Variants in ABLIM3 observed in about 807,000 individuals in gnomAD.
ABLIM3 encodes the protein actin-binding LIM protein 3.
In ABLIM3, 61 loss-of-function variants were observed where a neutral mutation model predicts 109.5. That is an observed-to-expected ratio of 0.56 (90% CI 0.45 to 0.69). The LOEUF is 0.69. Ranked by LOEUF, ABLIM3 falls within the 30% of genes least tolerant of loss-of-function variation. The pLI is 0.00. For synonymous variants in ABLIM3, 300 were observed against 324.8 expected, an observed-to-expected ratio of 0.92 and a Z score of 0.82; for missense variants, 796 against 889.5, an observed-to-expected ratio of 0.89 and a Z score of 1.34.
At chr5:149,144,369 A>C (rs1752738177) in intron 2 of ABLIM3, among the ~76,000 whole-genome samples, 1 of 152,182 alleles carries the variant, frequency 6.6e-6, no homozygotes, top group Non-Finnish European at 1.5e-5. Context: ...CAGAGAGTAG[A>C]CATCAGACCT....
At chr5:149,174,061 G>A (rs1018853748) in intron 2 of ABLIM3, among the ~76,000 whole-genome samples, 3 of 150,322 alleles carry the variant, frequency 2.0e-5, no homozygotes, top group African/African-American at 7.3e-5. Flanking sequence ...AGGAACCATG[G>A]TGATCTGCAA....
chr5:149,189,594 C>T (rs1455290316), intron 3 of ABLIM3, among the ~76,000 whole-genome samples: 1 of 152,044 alleles, frequency 6.6e-6, no homozygotes, highest in Non-Finnish European at 1.5e-5. Flanking sequence ...GTCCAATAAG[C>T]ACATGAAAAA....
chr5:149,259,863 T>C lies in ABLIM3; in HGVS notation c.*1459T>C. ...ATGGCAAATGTAGAACTGACTTAAA[T>C]TGAACAAACCCTCACTGAGCACCTC... is the stretch of plus-strand genomic sequence containing the variant. On this transcript the variant is annotated 3_prime_UTR_variant, in exon 24 of 24. Coordinates refer to ENST00000309868, the MANE Select transcript of ABLIM3 (RefSeq NM_014945.5). The C allele has an allele frequency of 2.1e-6, 1 of 482,728 alleles. No homozygotes were observed. The highest frequency in any genetic ancestry group is 3.8e-6 in the Non-Finnish European group (1 of 265,288). 29.9% of individuals were successfully genotyped at this position (482,728 alleles called of 1,614,324 possible). A position where few individuals can be genotyped will look rare whatever the true frequency, so the allele number is the denominator to read the frequency against.
intron 6 of ABLIM3, among the ~76,000 whole-genome samples, chr5:149,208,000 T>C (rs555985587): frequency 3.9e-5 from 6 of 152,356 alleles, no homozygotes; most frequent in African/African-American, 1.4e-4. Flanking sequence ...TAGGTGCCAC[T>C]CTCTGGCCTG....
Position 149,258,654 on chromosome 5 carries a change from C to T in ABLIM3, c.*250C>T, listed in dbSNP as rs967123603. ...CCTTTTATTGGGGATCCTTTTTATA[C>T]TGAAACATCTGTCCTAACTTGAGTG... On this transcript the variant is annotated 3_prime_UTR_variant, in exon 24 of 24. Transcript: ENST00000309868. 1.0e-4 allele frequency: 124 copies of T among 1,206,872 alleles called. No individual in the cohort carries two copies. In the South Asian group the frequency reaches 1.4e-3, roughly 14 times the overall value. 74.8% of individuals were successfully genotyped at this position (1,206,872 alleles called of 1,614,324 possible). A position where few individuals can be genotyped will look rare whatever the true frequency, so the allele number is the denominator to read the frequency against.
chr5:149,260,358 G>C lies in ABLIM3; in HGVS notation c.*1954G>C, dbSNP rs1754797494. The stretch of plus-strand genomic sequence containing the variant: ...AAGTTGCCTTATTGTCACTGGTTAA[G>C]AACTTGGCGAGATTGAAGGGCTTTT... On this transcript the variant is annotated 3_prime_UTR_variant, in exon 24 of 24. Transcript: ENST00000309868. 6.6e-6 allele frequency: 1 copy of C among 152,636 alleles called. No individual in the cohort carries two copies. Among genetic ancestry groups the C allele is most frequent in the South Asian group, 2.1e-4 (1 of 4,834 alleles). 9.5% of individuals were successfully genotyped at this position (152,636 alleles called of 1,614,324 possible). A position where few individuals can be genotyped will look rare whatever the true frequency, so the allele number is the denominator to read the frequency against.
At chr5:149,201,744 C>T (rs1374596453) in intron 5 of ABLIM3, among the ~76,000 whole-genome samples, 1 of 152,086 alleles carries the variant, frequency 6.6e-6, no homozygotes, top group Non-Finnish European at 1.5e-5. Flanking sequence ...GACAGAAAAA[C>T]AAGGAGGCTG....
chr5:149,180,473 C>T (rs182215498), intron 2 of ABLIM3, among the ~76,000 whole-genome samples: 9 of 152,250 alleles, frequency 5.9e-5, no homozygotes, highest in Admixed American at 3.9e-4. Flanking sequence ...AGGGATGTGG[C>T]ATATCCCAGC....
At chr5:149,193,078 C>T (rs1757647245) in intron 3 of ABLIM3, among the ~76,000 whole-genome samples, 1 of 151,866 alleles carries the variant, frequency 6.6e-6, no homozygotes, top group African/African-American at 2.4e-5. Flanking sequence ...GATTTTTATT[C>T]AAACAACTGG....
At chr5:149,178,375 TG>T (rs1756159510) in intron 2 of ABLIM3, among the ~76,000 whole-genome samples, 1 of 152,220 alleles carries the variant, frequency 6.6e-6, no homozygotes, top group African/African-American at 2.4e-5. Flanking sequence ...GGCTGCTGTG[TG>T]CTCATTGCTG....
intron 2 of ABLIM3, among the ~76,000 whole-genome samples, chr5:149,166,301 AATAC>A: frequency 6.6e-6 from 1 of 152,228 alleles, no homozygotes; most frequent in Non-Finnish European, 1.5e-5. Flanking sequence ...TCCCTGACTT[AATAC>A]AGTCATGCAT....
At chr5:149,213,634 G>A (rs148144532) in intron 7 of ABLIM3, among the ~76,000 whole-genome samples, 1 of 152,148 alleles carries the variant, frequency 6.6e-6, no homozygotes. Context: ...CAGGGCCACA[G>A]ATGGAAATTT....
chr5:149,252,103 C>A, intron 21 of ABLIM3, 98 bp from the exon 22 acceptor site: 1 of 1,413,852 alleles, frequency 7.1e-7, no homozygotes. Context: ...CAATAGAGGC[C>A]AGACCCCCTG....
intron 6 of ABLIM3, among the ~76,000 whole-genome samples, chr5:149,209,712 G>T (rs1281147175): frequency 6.6e-6 from 1 of 152,216 alleles, no homozygotes. Flanking sequence ...TTGAGCGGGG[G>T]AGGAGGGAGG....
chr5:149,202,503 A>C (rs932243570), intron 5 of ABLIM3, among the ~76,000 whole-genome samples: 2 of 152,228 alleles, frequency 1.3e-5, no homozygotes, highest in African/African-American at 4.8e-5. Flanking sequence ...GTAGCTCCTG[A>C]CTAGATGGGG....
chr5:149,218,795 C>A, intron 8 of ABLIM3: 1 of 152,608 alleles, frequency 6.6e-6, no homozygotes. Context: ...CTCTCTTCCC[C>A]CATCCCCACA....
At chr5:149,160,905 G>A (rs1224532853) in intron 2 of ABLIM3, among the ~76,000 whole-genome samples, 1 of 152,178 alleles carries the variant, frequency 6.6e-6, no homozygotes, top group African/African-American at 2.4e-5. Flanking sequence ...CCCAGCAGTG[G>A]GCCCAAGAGC....
At chr5:149,249,928 T>A in intron 19 of ABLIM3, 84 bp downstream of exon 19, 8 of 1,510,068 alleles carry the variant, frequency 5.3e-6, no homozygotes, top group South Asian at 1.1e-5. Context: ...ATAGTTCTAA[T>A]GACCATACAA....
At chr5:149,237,175 A>C (rs1229655248) in intron 10 of ABLIM3, among the ~76,000 whole-genome samples, 1 of 152,216 alleles carries the variant, frequency 6.6e-6, no homozygotes, top group African/African-American at 2.4e-5. Context: ...CATTTACTTC[A>C]CAGAGGCATT....
Sources: allele counts gnomAD v4.1 joint callset (sites outside exome capture counted in the v4.1 genomes callset), GRCh38; gene constraint gnomAD v4.1.1; transcripts MANE v1.5; gene names NCBI Gene and HGNC (gene_info 2026-07-23, HGNC 2026-07-21).